The following SAMD12 variants were observed in gnomAD, a reference collection of about 807,000 sequenced individuals.
The protein encoded by SAMD12 is sterile alpha motif domain-containing protein 12.
In SAMD12, 9 loss-of-function variants were observed where a neutral mutation model predicts 15.0. The observed-to-expected ratio is 0.60, with a 90% CI of 0.36 to 1.05. The LOEUF is 1.05. Among genes scored for constraint, SAMD12 ranks in the 50% least tolerant of loss-of-function variants. The pLI, the probability that SAMD12 is intolerant of heterozygous loss-of-function variation, is 0.01. For synonymous variants in SAMD12, 86 were observed against 90.1 expected (o/e 0.96, Z 0.25); for missense variants, 230 against 234.2 (o/e 0.98, Z 0.12).
intron 2 of SAMD12, among the ~76,000 whole-genome samples, chr8:118,525,177 C>T (rs1435439956): frequency 1.3e-5 from 2 of 152,156 alleles, no homozygotes; most frequent in Non-Finnish European, 2.9e-5. Flanking sequence ...CATGCTCTGC[C>T]TCAAGGTCTT....
chr8:118,321,109 A>C (rs1816229951), intron 4 of SAMD12, among the ~76,000 whole-genome samples: 1 of 139,660 alleles, frequency 7.2e-6, no homozygotes, highest in Admixed American at 7.4e-5. Flanking sequence ...TATATAATAT[A>C]TATGATATAT....
intron 3 of SAMD12, among the ~76,000 whole-genome samples, chr8:118,430,379 T>G (rs545463935): frequency 6.6e-6 from 1 of 152,062 alleles, no homozygotes; most frequent in African/African-American, 2.4e-5. Context: ...GCCTTTTTTT[T>G]TTTTGATGGA....
At chr8:118,536,987 A>G (rs992117129) in intron 2 of SAMD12, among the ~76,000 whole-genome samples, 15 of 152,018 alleles carry the variant, frequency 9.9e-5, no homozygotes, top group Non-Finnish European at 1.2e-4. Flanking sequence ...TCCCTCAGCT[A>G]TTGTTTGTCT....
At chr8:118,561,010 T>C (rs996538609) in intron 2 of SAMD12, among the ~76,000 whole-genome samples, 1 of 152,202 alleles carries the variant, frequency 6.6e-6, no homozygotes, top group Non-Finnish European at 1.5e-5. Flanking sequence ...GTCAGCTCTT[T>C]TAAATTTGTA....
At chr8:118,594,731 C>A (rs1174068271) in intron 1 of SAMD12, among the ~76,000 whole-genome samples, 1 of 151,978 alleles carries the variant, frequency 6.6e-6, no homozygotes, top group Non-Finnish European at 1.5e-5. Flanking sequence ...TTTCACTAAG[C>A]AGGTGGAAAG....
At chr8:118,157,703 G>A in the SAMD12 span, among the ~76,000 whole-genome samples, 1 of 152,082 alleles carries the variant, frequency 6.6e-6, no homozygotes, top group Non-Finnish European at 1.5e-5. Context: ...GTTGCAATTA[G>A]GGCAGTGAAA....
chr8:118,508,725 T>G (rs1320882174), intron 2 of SAMD12, among the ~76,000 whole-genome samples: 1 of 152,210 alleles, frequency 6.6e-6, no homozygotes, highest in Admixed American at 6.5e-5. Flanking sequence ...TGAATCAACA[T>G]GCACTGTCTT....
chr8:118,405,995 T>C (rs1056375478), intron 3 of SAMD12, among the ~76,000 whole-genome samples: 7 of 152,156 alleles, frequency 4.6e-5, no homozygotes, highest in Non-Finnish European at 1.0e-4. Context: ...AAAAATATTT[T>C]CCACAGAAGA....
chr8:118,316,710 T>C (rs1267394093), intron 4 of SAMD12, among the ~76,000 whole-genome samples: 6 of 151,988 alleles, frequency 3.9e-5, no homozygotes, highest in African/African-American at 1.4e-4. Flanking sequence ...GCTGAACATA[T>C]GTGTTATGGA....
chr8:118,142,745 T>C, the SAMD12 span, among the ~76,000 whole-genome samples: 1 of 152,220 alleles, frequency 6.6e-6, no homozygotes, highest in Non-Finnish European at 1.5e-5. Flanking sequence ...GTGTCACACA[T>C]TTCTGATCTC....
chr8:118,143,314 T>G, the SAMD12 span, among the ~76,000 whole-genome samples: 169 of 152,188 alleles, frequency 1.1e-3, no homozygotes, highest in Non-Finnish European at 1.4e-3. Context: ...TACATAAATG[T>G]TTTTGCACAA....
chr8:118,434,523 A>G (rs1822516486), intron 3 of SAMD12, among the ~76,000 whole-genome samples: 1 of 152,182 alleles, frequency 6.6e-6, no homozygotes, highest in African/African-American at 2.4e-5. Context: ...GAGGATTTGA[A>G]GCCAAACGAG....
rs559248117 is a variant in SAMD12 at position 118,220,862 on chromosome 8, G to A, written c.434-23130C>T. ...TGGTCACTTTGTAATCATTGAACCAGTGATTATGCAAATAGGCAAAACCTG... is the reference window on the plus strand; with the variant it reads ...TGGTCACTTTGTAATCATTGAACCAATGATTATGCAAATAGGCAAAACCTG... On this transcript the variant is annotated intron_variant, in intron 4 of 4. Coordinates refer to the SAMD12 transcript ENST00000409003. Among the ~76,000 whole-genome samples, 20 of 152,274 alleles carry A rather than the reference G, an allele frequency of 1.3e-4. No homozygotes were observed. The South Asian group carries it at 4.1e-3, about 32-fold the overall frequency.
At chr8:118,191,501 A>T (rs1167527397) in exon 5 of SAMD12, 1 of 151,458 alleles carries the variant, frequency 6.6e-6, no homozygotes, top group African/African-American at 2.4e-5. Flanking sequence ...TGAATTTCCT[A>T]CCCCACTCTA....
chr8:118,136,328 C>A, the SAMD12 span, among the ~76,000 whole-genome samples: 1 of 152,318 alleles, frequency 6.6e-6, no homozygotes. Context: ...CCATGCCTGG[C>A]CTATCTGGCT....
intron 4 of SAMD12, among the ~76,000 whole-genome samples, chr8:118,285,150 C>CT (rs1341432917): frequency 3.3e-5 from 5 of 150,268 alleles, no homozygotes; most frequent in Non-Finnish European, 5.9e-5. Flanking sequence ...TTCTTTCTTT[C>CT]TTTTTTTAAT....
chr8:118,196,782 A>T (rs1429172497), exon 5 of SAMD12: 1 of 152,202 alleles, frequency 6.6e-6, no homozygotes, highest in East Asian at 1.9e-4. Flanking sequence ...GATTAAAAGA[A>T]TACCATCCCC....
At position 118,597,125 on chromosome 8, in the gene SAMD12, A is replaced by G. The variant is rs530216301; in HGVS notation, c.14-16232T>C. Among the ~76,000 whole-genome samples the G allele has an allele frequency of 9.9e-4, 151 of 152,244 alleles. 1 individual carries two copies. The highest frequency in any genetic ancestry group is 3.5e-3 in the African/African-American group (146 of 41,554). ...AAGGTAGTACTAGGCAAGGCTGGAG[A>G]GGGTGGCAGGCTCCAGATCTGTAGG... On this transcript the variant is annotated intron_variant, in intron 1 of 3. Coordinates refer to ENST00000314727, the MANE Select transcript of SAMD12 (RefSeq NM_207506.3).
At chr8:118,592,592 TAGAA>T (rs1563601755) in intron 1 of SAMD12, among the ~76,000 whole-genome samples, 1 of 152,212 alleles carries the variant, frequency 6.6e-6, no homozygotes, top group East Asian at 1.9e-4. Flanking sequence ...AGTCAATACA[TAGAA>T]AGTGGTACAT....
Sources: gnomAD v4.1 joint callset for allele counts (sites outside exome capture counted in the v4.1 genomes callset) on GRCh38, gnomAD v4.1.1 for gene constraint, MANE v1.5 for transcripts, NCBI Gene and HGNC (gene_info 2026-07-23, HGNC 2026-07-21) for gene names.